Variants in BABAM2 observed in about 807,000 individuals in gnomAD.
The protein encoded by BABAM2 is BRISC and BRCA1-A complex member 2.
A neutral mutation model predicts 54.7 loss-of-function variants in BABAM2; 31 were observed. That is an observed-to-expected ratio of 0.57 (90% CI 0.43 to 0.77). The LOEUF (loss-of-function observed/expected upper bound fraction) is 0.77, where lower values mean the gene tolerates loss of function less well. Ranked by LOEUF, BABAM2 falls within the 30% of genes least tolerant of loss-of-function variation. BABAM2 has a pLI of 0.00. For synonymous variants in BABAM2, 167 were observed against 162.9 expected (o/e 1.03, Z -0.19); for missense variants, 364 against 455.8 (o/e 0.80, Z 1.83).
chr2:28,297,885 C>T (rs1329164215), intron 10 of BABAM2, among the ~76,000 whole-genome samples: 1 of 152,186 alleles, frequency 6.6e-6, no homozygotes, highest in Non-Finnish European at 1.5e-5. Context: ...CCACTGCCTC[C>T]ATCAAATTAT....
At position 28,237,242 on chromosome 2, in the gene BABAM2, C is replaced by G. The variant is rs370651719; in HGVS notation, c.721C>G (p.Pro241Ala). Residue 241 changes from proline (P) to alanine (A), a missense_variant, in exon 8 of 12, where the codon CCA (proline) becomes GCA (alanine). Physicochemically the swap from Pro to Ala is conservative, Grantham distance 27. Transcript: ENST00000379624. ...GSSALHIPAF[P>A]GGGCLIDYVP... ...CTCAGCTCTTCATATCCCAGCTTTT[C>G]CAGGAGGAGGATGTCTCATTGATTA... 2 of 1,613,840 alleles carry G rather than the reference C, an allele frequency of 1.2e-6. No individual in the cohort carries two copies. The highest frequency in any genetic ancestry group is 1.7e-6 in the Non-Finnish European group (2 of 1,179,910).
intron 3 of BABAM2, among the ~76,000 whole-genome samples, chr2:27,978,982 T>A (rs1671802036): frequency 6.6e-6 from 1 of 152,168 alleles, no homozygotes. Context: ...CATTCTTTTT[T>A]ATGGCTGTGT....
rs115168995 is a variant in BABAM2, at chr2:28,093,140, T to C, written c.571-36131T>C. 3.0e-3 allele frequency among the ~76,000 whole-genome samples: 461 copies of C among 152,294 alleles called. 1 individual carries two copies. Among genetic ancestry groups the C allele is most frequent in the African/African-American group, 0.011 (445 of 41,566 alleles). On this transcript the variant is annotated intron_variant, in intron 6 of 11. Coordinates refer to ENST00000379624, the MANE Select transcript of BABAM2 (RefSeq NM_199191.3). ...GAGTAATCATTTCTGTTCTTTAAAT[T>C]TGTATACCACTTTACTATCACAAAA...
chr2:28,174,737 T>TG (rs1184594565), intron 7 of BABAM2, among the ~76,000 whole-genome samples: 1 of 152,196 alleles, frequency 6.6e-6, no homozygotes, highest in Non-Finnish European at 1.5e-5. Context: ...GAACTCACAC[T>TG]GGGTCCCACA....
At chr2:28,282,940 G>A (rs1686489463) in intron 10 of BABAM2, among the ~76,000 whole-genome samples, 1 of 136,752 alleles carries the variant, frequency 7.3e-6, no homozygotes, top group South Asian at 2.5e-4. Flanking sequence ...AGAGGTTGCA[G>A]TGAGCCAAGA....
At position 27,894,646 on chromosome 2, in the gene BABAM2, T is replaced by C. The variant is rs749407236; in HGVS notation, c.90T>C (p.Asp30=). 10 of 1,614,190 alleles carry C rather than the reference T, an allele frequency of 6.2e-6. No individual in the cohort carries two copies. The highest frequency in any genetic ancestry group is 8.5e-6 in the Non-Finnish European group (10 of 1,180,036). Residue 30 remains aspartate, a synonymous_variant, in exon 2 of 12, where the codon GAT becomes GAC. Coordinates refer to ENST00000379624, the MANE Select transcript of BABAM2 (RefSeq NM_199191.3). ...TCCGGAATGGAAAAGTGGGACTGGA[T>C]GCTACAAACTGTTTGAGGATAACTG... ...SVVRNGKVGL[D]ATNCLRITDL...
chr2:27,968,137 C>T (rs1670956775), intron 3 of BABAM2, among the ~76,000 whole-genome samples: 1 of 152,222 alleles, frequency 6.6e-6, no homozygotes, highest in Admixed American at 6.5e-5. Flanking sequence ...GAGGTCTTTA[C>T]AGCAGCCCCT....
chr2:28,232,053 G>A (rs1313937474), intron 7 of BABAM2, among the ~76,000 whole-genome samples: 1 of 151,984 alleles, frequency 6.6e-6, no homozygotes, highest in African/African-American at 2.4e-5. Context: ...CAGTCATCCT[G>A]CCTCAGCCTC....
chr2:28,125,783 C>G (rs1669472010), intron 6 of BABAM2, among the ~76,000 whole-genome samples: 1 of 152,116 alleles, frequency 6.6e-6, no homozygotes, highest in South Asian at 2.1e-4. Flanking sequence ...TATTGCAGCA[C>G]TATCAAGTGG....
At chr2:28,034,007 T>G (rs1676483225) in intron 5 of BABAM2, among the ~76,000 whole-genome samples, 1 of 152,188 alleles carries the variant, frequency 6.6e-6, no homozygotes, top group South Asian at 2.1e-4. Context: ...TAGTAAGGTT[T>G]TAAAAATCTT....
chr2:28,045,629 C>T (rs1677498781), intron 5 of BABAM2, 96 bp from the exon 6 acceptor site: 1 of 983,924 alleles, frequency 1.0e-6, no homozygotes, highest in African/African-American at 1.6e-5. Flanking sequence ...AAGATGCCTG[C>T]ATTTTGAACA....
upstream of BABAM2, chr2:27,890,429 C>A: frequency 2.2e-6 from 3 of 1,356,198 alleles, no homozygotes; most frequent in Non-Finnish European, 3.0e-6. The surrounding 1 kb of genome is among the most constrained non-coding windows in gnomAD (Gnocchi z 4.8). Context: ...CTCCTGCCCT[C>A]CCTAACGACG....
At chr2:28,314,705 T>C (rs1279972782) in intron 11 of BABAM2, among the ~76,000 whole-genome samples, 1 of 152,192 alleles carries the variant, frequency 6.6e-6, no homozygotes, top group Non-Finnish European at 1.5e-5. Flanking sequence ...GGATGAGAAT[T>C]GCACATAGAT....
At chr2:27,994,956 A>T (rs758148474) in intron 4 of BABAM2, among the ~76,000 whole-genome samples, 2 of 152,192 alleles carry the variant, frequency 1.3e-5, no homozygotes, top group African/African-American at 2.4e-5. Flanking sequence ...TAATATAGAG[A>T]ATTACTTACC....
At chr2:28,323,702 G>C (rs1182783850) in intron 11 of BABAM2, among the ~76,000 whole-genome samples, 2 of 152,184 alleles carry the variant, frequency 1.3e-5, no homozygotes, top group Non-Finnish European at 2.9e-5. Flanking sequence ...GCAAGTCACA[G>C]AGATATTGCC....
intron 7 of BABAM2, among the ~76,000 whole-genome samples, chr2:28,200,750 A>G (rs192007467): frequency 0.01 from 990 of 95,718 alleles, 3 homozygotes; most frequent in Non-Finnish European, 0.015. Context: ...CCAGGTATCT[A>G]TGGGGTTTTT....
In BABAM2 at chr2:28,199,448, CTT is replaced by C. The variant is rs1678012080; in HGVS notation, c.681-37752_681-37751del. Among the ~76,000 whole-genome samples, 3 of 152,150 alleles carry C rather than the reference CTT, an allele frequency of 2.0e-5. No individual in the cohort carries two copies. The South Asian group carries it at 6.2e-4, about 32-fold the overall frequency. ...TGAAATTTTAAAAATTCATAAATGACTTTGTTCATTCTTATCCACCAAACTCC... is the reference window on the plus strand; with the variant it reads ...TGAAATTTTAAAAATTCATAAATGACTGTTCATTCTTATCCACCAAACTCC... On this transcript the variant is annotated intron_variant, in intron 7 of 11. Transcript: ENST00000379624.
intron 10 of BABAM2, among the ~76,000 whole-genome samples, chr2:28,264,119 A>G (rs1684775641): frequency 6.6e-6 from 1 of 152,182 alleles, no homozygotes; most frequent in African/African-American, 2.4e-5. Context: ...GTTCCATACT[A>G]GTCTTTCCAG....
intron 10 of BABAM2, among the ~76,000 whole-genome samples, chr2:28,286,033 G>C (rs1686771177): frequency 6.7e-6 from 1 of 149,194 alleles, no homozygotes; most frequent in Non-Finnish European, 1.5e-5. Flanking sequence ...TCGGCTCACT[G>C]CAACCTCTAC....
Sources: allele counts gnomAD v4.1 joint callset (sites outside exome capture counted in the v4.1 genomes callset), GRCh38; gene constraint gnomAD v4.1.1; non-coding constraint Gnocchi (gnomAD v3.1); transcripts MANE v1.5; gene names NCBI Gene and HGNC (gene_info 2026-07-23, HGNC 2026-07-21).